The following TRIP11 variants were observed in gnomAD, a reference collection of about 807,000 sequenced individuals.
TRIP11 encodes the protein thyroid receptor-interacting protein 11.
TRIP11 carries 148 observed loss-of-function variants against 223.1 expected under a neutral mutation model. The observed-to-expected ratio is 0.66, with a 90% confidence interval of 0.58 to 0.76. The LOEUF is 0.76. Ranked by LOEUF, TRIP11 falls within the 30% of genes least tolerant of loss-of-function variation. TRIP11 has a pLI of 0.00. For synonymous variants in TRIP11, 762 were observed against 772.6 expected, an observed-to-expected ratio of 0.99 and a Z score of 0.23; for missense variants, 2,043 against 2,222.0, an observed-to-expected ratio of 0.92 and a Z score of 1.62.
chr14:92,017,397 T>G (rs1212901742), intron 5 of TRIP11, among the ~76,000 whole-genome samples: 1 of 151,854 alleles, frequency 6.6e-6, no homozygotes, highest in Non-Finnish European at 1.5e-5. Flanking sequence ...TCAGAAAAAA[T>G]TAGCCAGGCA....
chr14:91,985,663 G>A (rs537592606), intron 16 of TRIP11, among the ~76,000 whole-genome samples: 9 of 152,262 alleles, frequency 5.9e-5, no homozygotes, highest in Admixed American at 4.6e-4. Flanking sequence ...TTGCCTTTAC[G>A]ATTCAAGTCT....
At chr14:91,994,557 C>A (rs1404281161) in intron 14 of TRIP11, among the ~76,000 whole-genome samples, 1 of 152,100 alleles carries the variant, frequency 6.6e-6, no homozygotes, top group Non-Finnish European at 1.5e-5. Flanking sequence ...ATTCTTATAT[C>A]TAAAATTTAA....
At position 92,033,172 on chromosome 14, in the gene TRIP11, T is replaced by C; in HGVS notation, c.201+20A>G. On this transcript the variant is annotated intron_variant, in intron 2 of 20. Transcript: ENST00000267622. Reference sequence around the variant, plus strand: ...TGACTTCAAAAAAGAAAAATCTAAGTAGTCTTTGATTTTTCTTACCTCTGA... The same window carrying C: ...TGACTTCAAAAAAGAAAAATCTAAGCAGTCTTTGATTTTTCTTACCTCTGA... The C allele has an allele frequency of 1.2e-6, 2 of 1,601,108 alleles. No homozygotes were observed. Among genetic ancestry groups the C allele is most frequent in the South Asian group, 2.2e-5 (2 of 90,616 alleles).
chr14:92,024,184 C>G (rs1424437850), intron 3 of TRIP11, among the ~76,000 whole-genome samples: 1 of 152,042 alleles, frequency 6.6e-6, no homozygotes, highest in Non-Finnish European at 1.5e-5. Context: ...TCAAGACCAG[C>G]CTGGCCAACG....
Position 91,997,256 on chromosome 14 carries a change from T to C in TRIP11, c.4893-1741A>G, listed in dbSNP as rs1009127837. On this transcript the variant is annotated intron_variant, in intron 13 of 20. Coordinates refer to ENST00000267622, the MANE Select transcript of TRIP11 (RefSeq NM_004239.4). ...AGGGCTCACACCACCATAATCCGGT[T>C]TGTAGATCTGAGTTACTCATACAAC... Among the ~76,000 whole-genome samples, 36 of 152,082 alleles carry C rather than the reference T, an allele frequency of 2.4e-4. 1 individual carries two copies. The highest frequency in any genetic ancestry group is 1.3e-3 in the Admixed American group (20 of 15,260).
chr14:91,995,383 G>A lies in TRIP11; in HGVS notation c.5025C>T (p.Asn1675=), dbSNP rs1343577011. The change falls in exon 14 of 21, where the codon AAC becomes AAT. Residue 1675 remains asparagine (N), a synonymous_variant. Coordinates refer to ENST00000267622, the MANE Select transcript of TRIP11 (RefSeq NM_004239.4). ...QVKQYALSLA[N]LQMVLEHFQQ... ...GGAAATGCTCTAGTACCATCTGCAG[G>A]TTGGCCAGTGACAGAGCATACTGCT... The A allele has an allele frequency of 6.2e-6, 10 of 1,613,950 alleles. No individual in the cohort carries two copies. The highest frequency in any genetic ancestry group is 6.8e-6 in the Non-Finnish European group (8 of 1,179,992).
In TRIP11 at chr14:92,011,070, A is replaced by T. The variant is rs2056966492; in HGVS notation, c.1230T>A (p.Asp410Glu). ...TCAGATTGTCTTCAGCAAGACTGTT[A>T]TCCTACAAAAATGTTAAAGCAGTGT... Reference protein sequence around the residue: ...EIMRLSSLNQDNSLAEDNLKL... With the variant: ...EIMRLSSLNQENSLAEDNLKL... The change falls in exon 9 of 21, where the codon GAT becomes GAA. Residue 410 changes from aspartate to glutamate, a missense_variant and splice_region_variant. By Grantham distance (45) the Asp-to-Glu change is conservative. Coordinates refer to ENST00000267622, the MANE Select transcript of TRIP11 (RefSeq NM_004239.4). 1 of 1,613,848 alleles carries T rather than the reference A, an allele frequency of 6.2e-7. No individual in the cohort carries two copies. The highest frequency in any genetic ancestry group is 8.5e-7 in the Non-Finnish European group (1 of 1,179,924).
intron 1 of TRIP11, among the ~76,000 whole-genome samples, chr14:92,038,609 G>T (rs1048521321): frequency 6.7e-6 from 1 of 149,856 alleles, no homozygotes; most frequent in African/African-American, 2.5e-5. Flanking sequence ...TAAATATGAA[G>T]GATCTGTTAA....
Position 91,966,295 on chromosome 14 carries a change from A to G in TRIP11, c.*3378T>C, listed in dbSNP as rs1595360572. 1 of 178,986 alleles carries G rather than the reference A, an allele frequency of 5.6e-6. No individual in the cohort carries two copies. The highest frequency in any genetic ancestry group is 9.3e-5 in the East Asian group (1 of 10,704). 11.1% of individuals were successfully genotyped at this position (178,986 alleles called of 1,614,324 possible). ...ATAATCACAAATGTCAGAACATTAAAGTAGCATTTTTTCCATAGGAATATA... is the reference window on the plus strand; with the variant it reads ...ATAATCACAAATGTCAGAACATTAAGGTAGCATTTTTTCCATAGGAATATA... On this transcript the variant is annotated 3_prime_UTR_variant, in exon 21 of 21. Coordinates refer to ENST00000267622, the MANE Select transcript of TRIP11 (RefSeq NM_004239.4).
At chr14:92,019,654 C>G (rs940590705) in intron 4 of TRIP11, among the ~76,000 whole-genome samples, 1 of 152,028 alleles carries the variant, frequency 6.6e-6, no homozygotes, top group Non-Finnish European at 1.5e-5. Flanking sequence ...AAACAGTGTT[C>G]CAGTTTACTC....
Position 92,004,172 on chromosome 14 carries a change from A to T in TRIP11, c.3804T>A (p.Thr1268=). 6.2e-7 allele frequency: 1 copy of T among 1,614,222 alleles called. No homozygotes were observed. The highest frequency in any genetic ancestry group is 8.5e-7 in the Non-Finnish European group (1 of 1,180,046). The change falls in exon 11 of 21, where the codon ACT becomes ACA. Residue 1268 remains threonine, a synonymous_variant. Transcript: ENST00000267622. ...TCTGCTCATAACTTTGGATCAGGCC[A>T]GTATAGTCCACTTGTAATTTAGAAT... is the stretch of plus-strand genomic sequence containing the variant. ...DNNSKLQVDY[T]GLIQSYEQNE...
At chr14:92,038,570 TCAAA>T (rs1233828305) in intron 1 of TRIP11, among the ~76,000 whole-genome samples, 17 of 151,964 alleles carry the variant, frequency 1.1e-4, no homozygotes, top group Admixed American at 8.5e-4. Context: ...TATCTTTCTA[TCAAA>T]CAATCTTTCC....
rs1004611455 is a variant in TRIP11, at chr14:92,005,875, T to C, written c.2101A>G (p.Asn701Asp). Residue 701 changes from asparagine (N) to aspartate (D), a missense_variant, in exon 11 of 21, where the codon AAT becomes GAT. Transcript: ENST00000267622. ...GTGTTTTTTTCCAGAGAAAGCTGATTGTTACCAGCAAGACATTCTTCTAAC... is the reference window on the plus strand; with the variant it reads ...GTGTTTTTTTCCAGAGAAAGCTGATCGTTACCAGCAAGACATTCTTCTAAC... ...HQLEECLAGN[N>D]QLSLEKNTIV... is the part of the protein sequence containing the mutation. 1.9e-6 allele frequency: 3 copies of C among 1,613,958 alleles called. No homozygotes were observed. The African/African-American group carries it at 4.0e-5, about 22-fold the overall frequency.
rs2056630620 is a variant in TRIP11, at chr14:91,988,452, A to T, written c.5161-69T>A. ...TTCACAAACTATAAGGCTGAGAGAC[A>T]TCTTAGAGTCAACCTCTACATTTCA... On this transcript the variant is annotated intron_variant, in intron 15 of 20. Coordinates refer to ENST00000267622, the MANE Select transcript of TRIP11 (RefSeq NM_004239.4). The T allele has an allele frequency of 3.7e-6, 5 of 1,358,780 alleles. No individual in the cohort carries two copies. The East Asian group carries it at 9.6e-5, about 26-fold the overall frequency. 84.2% of individuals were successfully genotyped at this position (1,358,780 alleles called of 1,614,324 possible). A position where few individuals can be genotyped will look rare whatever the true frequency, so the allele number is the denominator to read the frequency against.
In TRIP11 at chr14:91,968,272, G is replaced by C. The variant is rs2056359014; in HGVS notation, c.*1401C>G. On this transcript the variant is annotated 3_prime_UTR_variant, in exon 21 of 21. Transcript: ENST00000267622. ...ATTTGCAAGAAATATCTTTTTAAAT[G>C]TACAACTTCAACAACTAATAAAAAT... is the stretch of plus-strand genomic sequence containing the variant. The C allele has an allele frequency of 4.9e-6, 1 of 203,728 alleles. No homozygotes were observed. The highest frequency in any genetic ancestry group is 2.3e-5 in the African/African-American group (1 of 43,790). The allele number at this position is 203,728 out of a possible 1,614,324, so 12.6% of individuals were successfully genotyped here. A position where few individuals can be genotyped will look rare whatever the true frequency, so the allele number is the denominator to read the frequency against.
chr14:91,998,614 G>A (rs1248860416), intron 13 of TRIP11, among the ~76,000 whole-genome samples: 2 of 151,434 alleles, frequency 1.3e-5, no homozygotes, highest in African/African-American at 2.4e-5. Flanking sequence ...CACACAAAAA[G>A]ATTATCTCTG....
intron 18 of TRIP11, among the ~76,000 whole-genome samples, 173 bp from the exon 19 acceptor site, chr14:91,974,916 C>A (rs995683226): frequency 4.1e-4 from 63 of 152,170 alleles, no homozygotes; most frequent in African/African-American, 1.4e-3. Context: ...ATCCCAAGCA[C>A]CATCTCAAAT....
At chr14:92,006,673 T>C (rs971713748) in intron 10 of TRIP11, among the ~76,000 whole-genome samples, 7 of 152,268 alleles carry the variant, frequency 4.6e-5, no homozygotes, top group African/African-American at 7.2e-5. Flanking sequence ...GTTTCGCTCT[T>C]GTTGCCCAGG....
intron 12 of TRIP11, among the ~76,000 whole-genome samples, 187 bp downstream of exon 12, chr14:91,999,781 A>AT (rs542694054): frequency 6.6e-6 from 1 of 152,156 alleles, no homozygotes; most frequent in Non-Finnish European, 1.5e-5. Flanking sequence ...ATATGCCATG[A>AT]TTTTCACTTT....
Sources: gnomAD v4.1 joint callset for allele counts (sites outside exome capture counted in the v4.1 genomes callset) on GRCh38, gnomAD v4.1.1 for gene constraint, MANE v1.5 for transcripts, NCBI Gene and HGNC (gene_info 2026-07-23, HGNC 2026-07-21) for gene names.